The following KCNIP4 variants were observed in gnomAD, a reference collection of about 807,000 sequenced individuals.
The protein encoded by KCNIP4 is potassium voltage-gated channel interacting protein 4, also known as Kv channel-interacting protein 4.
A neutral mutation model predicts 34.0 loss-of-function variants in KCNIP4; 12 were observed. The ratio of observed to expected loss-of-function variants is 0.35; its 90% CI spans 0.23 to 0.57. The LOEUF (loss-of-function observed/expected upper bound fraction) is 0.57, where lower values mean the gene tolerates loss of function less well. KCNIP4 is among the 20% of genes least tolerant of loss of function. The pLI is 0.83. For missense variants in KCNIP4, 238 were observed against 311.7 expected (o/e 0.76, Z 1.78); for synonymous variants, 124 against 102.2 (o/e 1.21, Z -1.29).
intron 1 of KCNIP4, among the ~76,000 whole-genome samples, chr4:21,274,811 G>C (rs1384647511): frequency 6.6e-6 from 1 of 152,100 alleles, no homozygotes; most frequent in Admixed American, 6.5e-5. Flanking sequence ...TTGGATGACT[G>C]ATTTTTGTCT....
At chr4:21,890,728 T>C (rs1185630110) in intron 1 of KCNIP4, among the ~76,000 whole-genome samples, 1 of 152,074 alleles carries the variant, frequency 6.6e-6, no homozygotes, top group Non-Finnish European at 1.5e-5. Context: ...TTATTCCAAT[T>C]TTATACTTGA....
intron 1 of KCNIP4, among the ~76,000 whole-genome samples, chr4:21,715,904 T>C (rs1430835551): frequency 1.3e-5 from 2 of 152,240 alleles, no homozygotes; most frequent in Non-Finnish European, 2.9e-5. Flanking sequence ...CTCTGCATTA[T>C]TTATTCACCC....
intron 1 of KCNIP4, among the ~76,000 whole-genome samples, chr4:21,077,084 T>C (rs979326156): frequency 2.6e-5 from 4 of 151,834 alleles, no homozygotes; most frequent in Admixed American, 1.3e-4. Flanking sequence ...TGAGCTGAAA[T>C]TGTTGCACTC....
chr4:21,391,356 A>T (rs1025983759), intron 1 of KCNIP4, among the ~76,000 whole-genome samples: 8 of 152,186 alleles, frequency 5.3e-5, no homozygotes, highest in Non-Finnish European at 1.2e-4. Flanking sequence ...TAACAGAGGC[A>T]GATACAGGAT....
At chr4:21,646,564 G>T (rs768828454) in intron 1 of KCNIP4, among the ~76,000 whole-genome samples, 5 of 151,882 alleles carry the variant, frequency 3.3e-5, no homozygotes, top group African/African-American at 7.3e-5. Flanking sequence ...TTTCCTACAA[G>T]ATTTTAATGA....
intron 1 of KCNIP4, among the ~76,000 whole-genome samples, chr4:21,475,057 A>T (rs2109816212): frequency 6.6e-6 from 1 of 151,728 alleles, no homozygotes; most frequent in East Asian, 1.9e-4. Context: ...AATAAAAATA[A>T]TTATAATCAA....
At chr4:21,512,883 T>C (rs1734451824) in intron 1 of KCNIP4, among the ~76,000 whole-genome samples, 1 of 152,236 alleles carries the variant, frequency 6.6e-6, no homozygotes, top group African/African-American at 2.4e-5. Context: ...CAAACCTTTA[T>C]TAAACAATGA....
intron 1 of KCNIP4, among the ~76,000 whole-genome samples, chr4:21,881,083 TATA>T (rs1329135164): frequency 2.6e-5 from 4 of 152,140 alleles, no homozygotes; most frequent in South Asian, 2.1e-4. Context: ...TACAGTGAAT[TATA>T]ATATTTTTTA....
chr4:21,823,141 T>G (rs1284886980), intron 1 of KCNIP4, among the ~76,000 whole-genome samples: 2 of 152,142 alleles, frequency 1.3e-5, no homozygotes, highest in Non-Finnish European at 2.9e-5. Flanking sequence ...ACTATTTCTC[T>G]CTCTCACCTT....
At chr4:21,343,257 T>A (rs992466652) in intron 1 of KCNIP4, among the ~76,000 whole-genome samples, 2 of 151,916 alleles carry the variant, frequency 1.3e-5, no homozygotes, top group African/African-American at 4.8e-5. Context: ...AGTTAGATAG[T>A]AAATGAGGTC....
At chr4:21,497,331 C>T (rs1174679337) in intron 1 of KCNIP4, among the ~76,000 whole-genome samples, 3 of 152,048 alleles carry the variant, frequency 2.0e-5, no homozygotes, top group African/African-American at 7.2e-5. Flanking sequence ...TCATTATTGC[C>T]CCTCTGTTAT....
intron 3 of KCNIP4, chr4:20,850,204 A>G (rs1720855460): frequency 5.7e-6 from 1 of 175,246 alleles, no homozygotes; most frequent in African/African-American, 2.4e-5. Context: ...GATTCAAGTC[A>G]AGCACCAGCC....
chr4:21,718,782 G>A (rs1219541624), intron 1 of KCNIP4: 1 of 152,158 alleles, frequency 6.6e-6, no homozygotes, highest in Non-Finnish European at 1.5e-5. Flanking sequence ...GACAGCGCAA[G>A]TAATGACTCT....
chr4:21,517,157 A>C (rs1018788353), intron 1 of KCNIP4, among the ~76,000 whole-genome samples: 4 of 152,186 alleles, frequency 2.6e-5, no homozygotes, highest in African/African-American at 9.7e-5. Context: ...GGGGTTGTAC[A>C]TCCTCCATGA....
chr4:21,401,993 G>A (rs987938986), intron 1 of KCNIP4, among the ~76,000 whole-genome samples: 1 of 152,170 alleles, frequency 6.6e-6, no homozygotes, highest in Admixed American at 6.5e-5. Flanking sequence ...GCAAGGAAAT[G>A]AATCTTTAGC....
intron 1 of KCNIP4, among the ~76,000 whole-genome samples, chr4:21,467,073 A>AACACACACACACAC (rs33937973): frequency 1.6e-4 from 23 of 139,840 alleles, no homozygotes; most frequent in East Asian, 1.0e-3. Context: ...AACCAAAACA[A>AACACACACACACAC]ACACACACAC....
At chr4:21,553,549 G>A (rs760145883) in intron 1 of KCNIP4, among the ~76,000 whole-genome samples, 15 of 151,998 alleles carry the variant, frequency 9.9e-5, no homozygotes, top group Non-Finnish European at 1.5e-4. Context: ...AAATGCACTT[G>A]TCCTACCTGA....
intron 1 of KCNIP4, among the ~76,000 whole-genome samples, chr4:20,920,894 CAGG>C (rs1729332304): frequency 6.6e-6 from 1 of 152,054 alleles, no homozygotes; most frequent in African/African-American, 2.4e-5. Flanking sequence ...GAGGCTGAGG[CAGG>C]AGAATTGCTT....
intron 1 of KCNIP4, among the ~76,000 whole-genome samples, chr4:21,584,115 G>A (rs1741438248): frequency 6.6e-6 from 1 of 151,908 alleles, no homozygotes; most frequent in Non-Finnish European, 1.5e-5. Context: ...AAACCTTTGA[G>A]GTAGCCTGCC....
Sources: allele counts gnomAD v4.1 joint callset (sites outside exome capture counted in the v4.1 genomes callset), GRCh38; gene constraint gnomAD v4.1.1; transcripts MANE v1.5; gene names NCBI Gene and HGNC (gene_info 2026-07-23, HGNC 2026-07-21).